PDE4D: variants seen among roughly 807,000 people sequenced by gnomAD.
The protein encoded by PDE4D is phosphodiesterase 4D, also known as 3',5'-cyclic-AMP phosphodiesterase 4D.
A neutral mutation model predicts 87.4 loss-of-function variants in PDE4D; 24 were observed. That is an observed-to-expected ratio of 0.27 (90% CI 0.20 to 0.39). The LOEUF (loss-of-function observed/expected upper bound fraction) is 0.39. Among genes scored for constraint, PDE4D ranks in the 10% least tolerant of loss-of-function variants. The pLI is 1.00. For synonymous variants in PDE4D, 384 were observed against 383.2 expected (o/e 1.00, Z -0.02); for missense variants, 714 against 1,041.0 (o/e 0.69, Z 4.32).
chr5:60,225,581 G>A (rs1014053320), intron 1 of PDE4D, among the ~76,000 whole-genome samples: 4 of 152,052 alleles, frequency 2.6e-5, no homozygotes, highest in African/African-American at 9.7e-5. Flanking sequence ...ACTGTGAGAT[G>A]ATTAAATCTG....
intron 1 of PDE4D, among the ~76,000 whole-genome samples, chr5:59,728,956 G>A (rs1466303977): frequency 6.6e-6 from 1 of 152,048 alleles, no homozygotes; most frequent in African/African-American, 2.4e-5. Context: ...ATGGCTCCCA[G>A]ATGTTATTAA....
At chr5:59,724,690 G>T (rs1163765622) in intron 1 of PDE4D, among the ~76,000 whole-genome samples, 1 of 152,072 alleles carries the variant, frequency 6.6e-6, no homozygotes, top group Non-Finnish European at 1.5e-5. Flanking sequence ...GGGTGTGAGT[G>T]CACCACCAGG....
intron 2 of PDE4D, among the ~76,000 whole-genome samples, chr5:60,067,248 T>C (rs1041534613): frequency 1.3e-5 from 2 of 152,084 alleles, no homozygotes; most frequent in African/African-American, 4.8e-5. Flanking sequence ...TGATCTGTAA[T>C]GTAAATTGAT....
chr5:59,597,926 A>G (rs552459399), intron 1 of PDE4D, among the ~76,000 whole-genome samples: 4 of 152,266 alleles, frequency 2.6e-5, no homozygotes, highest in African/African-American at 9.6e-5. Context: ...TGAGCACTTG[A>G]AACTTTTAAC....
At chr5:59,828,390 A>G (rs1770576199) in intron 1 of PDE4D, among the ~76,000 whole-genome samples, 1 of 152,074 alleles carries the variant, frequency 6.6e-6, no homozygotes, top group South Asian at 2.1e-4. Flanking sequence ...AAAGATGACT[A>G]AAAAGAAATG....
intron 2 of PDE4D, among the ~76,000 whole-genome samples, chr5:59,199,935 T>C (rs1207201315): frequency 6.6e-6 from 1 of 151,790 alleles, no homozygotes; most frequent in Non-Finnish European, 1.5e-5. Flanking sequence ...CAGGCACATA[T>C]ATACATATAT....
In PDE4D at chr5:59,235,134, C is replaced by T. The variant is rs946252856; in HGVS notation, c.456-19166G>A. On this transcript the variant is annotated intron_variant, in intron 1 of 14. Coordinates refer to ENST00000340635, the MANE Select transcript of PDE4D (RefSeq NM_001104631.2). ...AAATTTGCAATGTAATTATGAGTTT[C>T]CATACCACATATGCCACTAATCCCA... 3.3e-5 allele frequency among the ~76,000 whole-genome samples: 5 copies of T among 152,248 alleles called. No individual in the cohort carries two copies. The South Asian group carries it at 6.2e-4, about 19-fold the overall frequency.
intron 3 of PDE4D, chr5:59,988,430 C>T: frequency 8.7e-7 from 1 of 1,152,284 alleles, no homozygotes; most frequent in Non-Finnish European, 1.2e-6. Flanking sequence ...CAAAAGACCA[C>T]AGACAACAAT....
In PDE4D at chr5:58,975,101, G is replaced by A; in HGVS notation, c.2014-21C>T. 1.4e-6 allele frequency: 2 copies of A among 1,431,256 alleles called. No individual in the cohort carries two copies. Among genetic ancestry groups the A allele is most frequent in the South Asian group, 1.7e-5 (1 of 59,048 alleles). 88.7% of individuals were successfully genotyped at this position (1,431,256 alleles called of 1,614,324 possible). ...CCCACCTAGTTAAGAAAAAAATCCA[G>A]TATGAGTAGAGGACTTGGGACTAAG... is the stretch of plus-strand genomic sequence containing the variant. On this transcript the variant is annotated intron_variant, in intron 14 of 14. Transcript: ENST00000340635. This position sits in a 1 kb window ranked among gnomAD's most constrained non-coding sequence, Gnocchi z 4.2.
chr5:59,315,644 T>C (rs1266167282), intron 1 of PDE4D, among the ~76,000 whole-genome samples: 1 of 152,114 alleles, frequency 6.6e-6, no homozygotes, highest in Non-Finnish European at 1.5e-5. Context: ...GGAAACATCT[T>C]AAGCTTGTAG....
intron 2 of PDE4D, among the ~76,000 whole-genome samples, chr5:59,195,832 T>C (rs1482018595): frequency 6.6e-6 from 1 of 152,220 alleles, no homozygotes; most frequent in Non-Finnish European, 1.5e-5. Context: ...TAAAACCTTT[T>C]AAATCATAAT....
At chr5:59,331,478 C>T (rs1238570463) in intron 1 of PDE4D, among the ~76,000 whole-genome samples, 2 of 152,124 alleles carry the variant, frequency 1.3e-5, no homozygotes, top group African/African-American at 4.8e-5. Flanking sequence ...TCAAAATCAC[C>T]TATTTACAGG....
At chr5:59,552,233 A>AT (rs570788814) in intron 1 of PDE4D, among the ~76,000 whole-genome samples, 3 of 152,164 alleles carry the variant, frequency 2.0e-5, no homozygotes, top group South Asian at 2.1e-4. Context: ...GAGGTATTTT[A>AT]TTTTTTTCAT....
chr5:59,025,681 A>T (rs1461380405), intron 6 of PDE4D, among the ~76,000 whole-genome samples: 2 of 152,264 alleles, frequency 1.3e-5, no homozygotes, highest in Non-Finnish European at 2.9e-5. Context: ...TTTAAGCCAA[A>T]AACAAAAAGC....
intron 5 of PDE4D, among the ~76,000 whole-genome samples, chr5:59,041,546 C>T (rs1759686826): frequency 6.6e-6 from 1 of 152,194 alleles, no homozygotes; most frequent in South Asian, 2.1e-4. Flanking sequence ...CCATAGTTAG[C>T]CTATCCAGTG....
At chr5:60,160,338 G>A (rs374606317) in intron 2 of PDE4D, among the ~76,000 whole-genome samples, 9 of 152,058 alleles carry the variant, frequency 5.9e-5, no homozygotes, top group Admixed American at 3.9e-4. Context: ...ACTAACTCCC[G>A]TGATTTTCAT....
intron 5 of PDE4D, among the ~76,000 whole-genome samples, chr5:59,052,670 A>C (rs1174591954): frequency 6.6e-6 from 1 of 152,170 alleles, no homozygotes; most frequent in Non-Finnish European, 1.5e-5. Flanking sequence ...CAACTTAGCA[A>C]CCATGGGGCA....
chr5:59,944,819 C>T (rs1209848626), intron 3 of PDE4D, among the ~76,000 whole-genome samples: 1 of 152,096 alleles, frequency 6.6e-6, no homozygotes, highest in African/African-American at 2.4e-5. Flanking sequence ...CTCCTTTTCT[C>T]TTCTTCCTCT....
At chr5:59,282,243 A>G (rs1765941436) in intron 1 of PDE4D, among the ~76,000 whole-genome samples, 1 of 152,188 alleles carries the variant, frequency 6.6e-6, no homozygotes, top group South Asian at 2.1e-4. Context: ...ACTTACTTCA[A>G]TAATTCTTAA....
Sources: gnomAD v4.1 joint callset for allele counts (sites outside exome capture counted in the v4.1 genomes callset) on GRCh38, gnomAD v4.1.1 for gene constraint, Gnocchi (gnomAD v3.1) non-coding constraint, MANE v1.5 for transcripts, NCBI Gene and HGNC (gene_info 2026-07-23, HGNC 2026-07-21) for gene names.